The following SCARA3 variants were observed in gnomAD, a reference collection of about 807,000 sequenced individuals.
The protein encoded by SCARA3 is scavenger receptor class A member 3, also known as cellular stress response gene protein.
A neutral mutation model predicts 47.0 loss-of-function variants in SCARA3; 39 were observed. The observed-to-expected ratio is 0.83, with a 90% CI of 0.64 to 1.08. The LOEUF (loss-of-function observed/expected upper bound fraction) is 1.08. Among genes scored for constraint, SCARA3 ranks in the 50% least tolerant of loss-of-function variants. SCARA3 has a pLI of 0.00. For missense variants in SCARA3, 724 were observed against 792.3 expected (o/e 0.91, Z 1.04); for synonymous variants, 356 against 334.1 (o/e 1.07, Z -0.71).
At chr8:27,666,265 C>T (rs1585294451) in intron 5 of SCARA3, among the ~76,000 whole-genome samples, 1 of 152,186 alleles carries the variant, frequency 6.6e-6, no homozygotes, top group Admixed American at 6.5e-5. Context: ...TTGCACAAAC[C>T]AATAACAAAT....
the SCARA3 span, among the ~76,000 whole-genome samples, chr8:27,730,352 A>T: frequency 6.6e-6 from 1 of 152,034 alleles, no homozygotes; most frequent in Non-Finnish European, 1.5e-5. Context: ...TTTCTCTTGG[A>T]TTACAAGCCC....
At chr8:27,717,784 C>T in the SCARA3 span, among the ~76,000 whole-genome samples, 1 of 151,886 alleles carries the variant, frequency 6.6e-6, no homozygotes, top group Non-Finnish European at 1.5e-5. Context: ...GACTCCATCT[C>T]AAAAAAAGAA....
chr8:27,653,631 G>A (rs1371954734), intron 3 of SCARA3, among the ~76,000 whole-genome samples: 2 of 145,398 alleles, frequency 1.4e-5, no homozygotes, highest in African/African-American at 4.9e-5. Context: ...TGGATAGACT[G>A]GTCAATGCTT....
chr8:27,707,819 T>C, the SCARA3 span, among the ~76,000 whole-genome samples: 9 of 26,010 alleles, frequency 3.5e-4, no homozygotes, highest in East Asian at 1.8e-3. Flanking sequence ...CTGAAAAACT[T>C]CCAAAAAAAA....
chr8:27,634,961 G>C (rs1801218521), intron 1 of SCARA3, among the ~76,000 whole-genome samples: 1 of 152,246 alleles, frequency 6.6e-6, no homozygotes, highest in Non-Finnish European at 1.5e-5. Context: ...AGGCTTTGGA[G>C]TTATCTCATG....
chr8:27,637,907 C>T (rs1801290459), intron 1 of SCARA3, among the ~76,000 whole-genome samples: 1 of 152,008 alleles, frequency 6.6e-6, no homozygotes, highest in African/African-American at 2.4e-5. Flanking sequence ...CCTCATTCCC[C>T]AGGGGCACGG....
At chr8:27,723,581 T>C in the SCARA3 span, among the ~76,000 whole-genome samples, 1 of 152,202 alleles carries the variant, frequency 6.6e-6, no homozygotes, top group East Asian at 1.9e-4. Flanking sequence ...TTCTCTGTAC[T>C]AAAAATACCT....
chr8:27,687,199 C>A, the SCARA3 span, among the ~76,000 whole-genome samples: 8 of 152,118 alleles, frequency 5.3e-5, no homozygotes, highest in Admixed American at 3.9e-4. Context: ...AGAAAAGAGG[C>A]ACTTTCTCTT....
the SCARA3 span, chr8:27,702,559 T>A: frequency 6.6e-6 from 1 of 151,632 alleles, no homozygotes; most frequent in African/African-American, 2.4e-5. Flanking sequence ...CATAGGGGAG[T>A]GACGCGTCCC....
the SCARA3 span, among the ~76,000 whole-genome samples, chr8:27,692,749 G>A: frequency 3.9e-5 from 6 of 152,222 alleles, no homozygotes; most frequent in South Asian, 2.1e-4. Flanking sequence ...ATGTTGGCCT[G>A]CACAACCCCT....
At chr8:27,698,785 A>G in the SCARA3 span, among the ~76,000 whole-genome samples, 1 of 152,174 alleles carries the variant, frequency 6.6e-6, no homozygotes, top group Non-Finnish European at 1.5e-5. Context: ...AATATATAGG[A>G]ATGAATTTAG....
chr8:27,715,853 G>GATAGATAGATAGATAC, the SCARA3 span, among the ~76,000 whole-genome samples: 55 of 142,006 alleles, frequency 3.9e-4, 1 homozygote, highest in Admixed American at 1.3e-3. This position sits in a 1 kb window ranked among gnomAD's most constrained non-coding sequence, Gnocchi z 4.2. Flanking sequence ...TAGATAGATA[G>GATAGATAGATAGATAC]ATAGATAGAT....
chr8:27,646,558 C>A (rs978374958), intron 1 of SCARA3, among the ~76,000 whole-genome samples: 1 of 152,092 alleles, frequency 6.6e-6, no homozygotes, highest in Non-Finnish European at 1.5e-5. Flanking sequence ...TGGAGAGAAA[C>A]GAGGAACCCG....
At chr8:27,684,726 A>G in the SCARA3 span, among the ~76,000 whole-genome samples, 1 of 151,978 alleles carries the variant, frequency 6.6e-6, no homozygotes, top group Non-Finnish European at 1.5e-5. Flanking sequence ...AAATGAATTC[A>G]GTGTTCAACT....
At chr8:27,688,854 A>G in the SCARA3 span, among the ~76,000 whole-genome samples, 1 of 152,102 alleles carries the variant, frequency 6.6e-6, no homozygotes, top group African/African-American at 2.4e-5. Context: ...TTCTGACAAT[A>G]TTTTATTTCT....
chr8:27,667,706 C>G (rs1802046146), intron 5 of SCARA3, among the ~76,000 whole-genome samples: 1 of 152,208 alleles, frequency 6.6e-6, no homozygotes, highest in Admixed American at 6.5e-5. Flanking sequence ...CTCCCTTCTC[C>G]ACCCTGTGGG....
At chr8:27,719,735 A>AT in the SCARA3 span, among the ~76,000 whole-genome samples, 5 of 152,028 alleles carry the variant, frequency 3.3e-5, no homozygotes, top group African/African-American at 1.2e-4. Flanking sequence ...TATGCTGTTG[A>AT]TTTTTTTGCA....
At chr8:27,670,795 C>A in intron 5 of SCARA3, 105 bp from the exon 6 acceptor site, 1 of 877,096 alleles carries the variant, frequency 1.1e-6, no homozygotes, top group Non-Finnish European at 1.7e-6. Context: ...GTCCGCTGGA[C>A]TTGTTCAACC....
Position 27,671,308 on chromosome 8 carries a change from T to C in SCARA3, c.1778T>C (p.Leu593Pro). 1.4e-6 allele frequency: 2 copies of C among 1,430,630 alleles called. No homozygotes were observed. Among genetic ancestry groups the C allele is most frequent in the Non-Finnish European group, 1.8e-6 (2 of 1,091,732 alleles). The allele number at this position is 1,430,630 out of a possible 1,614,324, so 88.6% of individuals were successfully genotyped here. ...GEPGIQGPPGLPGPPGPPGSQ... is the reference protein window; with the variant it reads ...GEPGIQGPPGPPGPPGPPGSQ... The stretch of plus-strand genomic sequence containing the variant: ...CCAGGGATCCAGGGTCCCCCTGGTC[T>C]CCCGGGGCCTCCAGGTCCACCAGGA... Residue 593 changes from leucine (L) to proline (P), a missense_variant, in exon 6 of 6, where the codon CTC becomes CCC. Leu to Pro is a moderately conservative substitution (Grantham distance 98). Coordinates refer to ENST00000301904, the MANE Select transcript of SCARA3 (RefSeq NM_016240.3).
Sources: gnomAD v4.1 joint callset for allele counts (sites outside exome capture counted in the v4.1 genomes callset) on GRCh38, gnomAD v4.1.1 for gene constraint, Gnocchi (gnomAD v3.1) non-coding constraint, MANE v1.5 for transcripts, NCBI Gene and HGNC (gene_info 2026-07-23, HGNC 2026-07-21) for gene names.